SHANK2: variants seen among roughly 807,000 people sequenced by gnomAD.
SHANK2 encodes the protein SH3 and multiple ankyrin repeat domains 2.
SHANK2 carries 43 observed loss-of-function variants against 133.7 expected under a neutral mutation model. The ratio of observed to expected loss-of-function variants is 0.32; its 90% CI spans 0.25 to 0.41. The LOEUF (loss-of-function observed/expected upper bound fraction) is 0.41, where lower values mean the gene tolerates loss of function less well. Among genes scored for constraint, SHANK2 ranks in the 10% least tolerant of loss-of-function variants. SHANK2 has a pLI of 1.00. For missense variants in SHANK2, 1,994 were observed against 2,235.8 expected (o/e 0.89, Z 2.18); for synonymous variants, 1,017 against 952.8 (o/e 1.07, Z -1.24).
At chr11:70,693,612 T>C (rs1591756248) in intron 15 of SHANK2, among the ~76,000 whole-genome samples, 2 of 152,252 alleles carry the variant, frequency 1.3e-5, no homozygotes, top group East Asian at 3.8e-4. Context: ...AACTTTATTG[T>C]GTACCTTTAC....
intron 17 of SHANK2, among the ~76,000 whole-genome samples, chr11:70,545,279 G>C (rs189767797): frequency 6.6e-6 from 1 of 152,198 alleles, no homozygotes; most frequent in Admixed American, 6.5e-5. Flanking sequence ...TGCCAGTCTC[G>C]TCTTCCTGAC....
chr11:71,197,733 C>A (rs1359800157), intron 2 of SHANK2, among the ~76,000 whole-genome samples: 1 of 152,248 alleles, frequency 6.6e-6, no homozygotes, highest in Admixed American at 6.5e-5. Context: ...TCACTGCAAG[C>A]TCCGCCTCCC....
At chr11:70,734,683 C>G (rs1348138374) in intron 14 of SHANK2, among the ~76,000 whole-genome samples, 1 of 152,222 alleles carries the variant, frequency 6.6e-6, no homozygotes, top group Non-Finnish European at 1.5e-5. Context: ...AGCAGGGGCC[C>G]CACAGCCTGT....
chr11:70,472,914 G>C lies in SHANK2; in HGVS notation c.5505C>G (p.His1835Gln). The change falls in exon 26 of 26, where the codon CAC becomes CAG. Residue 1835 changes from histidine (H) to glutamine (Q), a missense_variant. His to Gln is a conservative substitution (Grantham distance 24). Around this residue, in one of 5 missense-constraint regions of SHANK2, gnomAD observed 42 missense variants for 79.9 expected, o/e 0.53. Transcript: ENST00000601538. The surrounding 1 kb of genome is among the most constrained non-coding windows in gnomAD (Gnocchi z 4.4). ...LIDLGVTRVGHRMNIERALKQ... is the reference protein window; with the variant it reads ...LIDLGVTRVGQRMNIERALKQ... Reference sequence around the variant, plus strand: ...TCAAAGCCCTTTCTATGTTCATTCTGTGCCCGACTCGAGTTACCCCAAGAT... The same window carrying C: ...TCAAAGCCCTTTCTATGTTCATTCTCTGCCCGACTCGAGTTACCCCAAGAT... The C allele has an allele frequency of 6.2e-7, 1 of 1,614,198 alleles. No individual in the cohort carries two copies. Among genetic ancestry groups the C allele is most frequent in the Non-Finnish European group, 8.5e-7 (1 of 1,180,036 alleles).
At chr11:70,915,162 C>T (rs1470869372) in intron 10 of SHANK2, among the ~76,000 whole-genome samples, 1 of 152,016 alleles carries the variant, frequency 6.6e-6, no homozygotes, top group East Asian at 1.9e-4. Flanking sequence ...TCCTCAGCTC[C>T]CAATATGATC....
chr11:71,105,305 C>T (rs1215327552), intron 6 of SHANK2, among the ~76,000 whole-genome samples: 1 of 152,098 alleles, frequency 6.6e-6, no homozygotes, highest in Non-Finnish European at 1.5e-5. Context: ...ATGAAAAGGT[C>T]AGCAAGGTTG....
At chr11:70,736,048 C>A (rs1946397473) in intron 14 of SHANK2, among the ~76,000 whole-genome samples, 1 of 151,282 alleles carries the variant, frequency 6.6e-6, no homozygotes, top group Non-Finnish European at 1.5e-5. Context: ...CTAGAGTAGA[C>A]AAGGATGGGC....
chr11:71,214,261 C>A (rs1255716361), intron 2 of SHANK2, among the ~76,000 whole-genome samples: 1 of 152,298 alleles, frequency 6.6e-6, no homozygotes, highest in Admixed American at 6.5e-5. Context: ...CCTCACTCAG[C>A]CACCTCCATC....
At chr11:71,076,907 A>C (rs1951228002) in intron 8 of SHANK2, among the ~76,000 whole-genome samples, 1 of 152,214 alleles carries the variant, frequency 6.6e-6, no homozygotes, top group South Asian at 2.1e-4. Context: ...CTTCTTCCAG[A>C]GTGGGGAGCA....
At chr11:70,499,795 C>T (rs1477894853) in intron 21 of SHANK2, among the ~76,000 whole-genome samples, 4 of 152,162 alleles carry the variant, frequency 2.6e-5, no homozygotes, top group East Asian at 1.9e-4. Context: ...TGACACAGGT[C>T]GGGACAGTGG....
intron 17 of SHANK2, among the ~76,000 whole-genome samples, chr11:70,582,638 G>C (rs1280273870): frequency 6.6e-6 from 1 of 152,248 alleles, no homozygotes; most frequent in Non-Finnish European, 1.5e-5. Context: ...TGGGCACCCA[G>C]TCGGGTGTGG....
At position 70,643,746 on chromosome 11, in the gene SHANK2, C is replaced by T. The variant is rs372530376; in HGVS notation, c.2061+16082G>A. Among the ~76,000 whole-genome samples the T allele has an allele frequency of 3.9e-5, 6 of 152,244 alleles. No homozygotes were observed. In the East Asian group the frequency reaches 5.8e-4, roughly 15 times the overall value. ...ATTTGAATGAGGGTTGAGCTCCTGCCATGTGCTGGGTGCTTTCTCTTGTAG... is the reference window on the plus strand; with the variant it reads ...ATTTGAATGAGGGTTGAGCTCCTGCTATGTGCTGGGTGCTTTCTCTTGTAG... On this transcript the variant is annotated intron_variant, in intron 17 of 25. Coordinates refer to ENST00000601538, the MANE Select transcript of SHANK2 (RefSeq NM_012309.5).
intron 17 of SHANK2, among the ~76,000 whole-genome samples, chr11:70,622,715 G>C (rs536072246): frequency 6.6e-6 from 1 of 152,150 alleles, no homozygotes; most frequent in Non-Finnish European, 1.5e-5. Flanking sequence ...TGCGAAGACC[G>C]TGTTTCCAAA....
intron 14 of SHANK2, among the ~76,000 whole-genome samples, chr11:70,742,395 G>A (rs1946547460): frequency 6.6e-6 from 1 of 152,204 alleles, no homozygotes; most frequent in Non-Finnish European, 1.5e-5. Flanking sequence ...TCAGGCCACT[G>A]CACAAAGTAG....
At chr11:70,517,567 A>G (rs1385206604) in intron 17 of SHANK2, among the ~76,000 whole-genome samples, 1 of 152,232 alleles carries the variant, frequency 6.6e-6, no homozygotes, top group Non-Finnish European at 1.5e-5. Flanking sequence ...GAAGGCCTGC[A>G]GGAAGCTTAC....
At chr11:70,880,975 G>C (rs138954161) in intron 11 of SHANK2, among the ~76,000 whole-genome samples, 171 of 152,288 alleles carry the variant, frequency 1.1e-3, no homozygotes, top group African/African-American at 3.5e-3. Context: ...GTGTTCCCTG[G>C]GGTCACCAAC....
intron 2 of SHANK2, among the ~76,000 whole-genome samples, chr11:71,154,170 G>A (rs2135436799): frequency 6.6e-6 from 1 of 152,250 alleles, no homozygotes; most frequent in East Asian, 1.9e-4. Flanking sequence ...AATGTGCTCG[G>A]CCTCAAGGCA....
intron 11 of SHANK2, among the ~76,000 whole-genome samples, chr11:70,838,878 TC>T (rs545692771): frequency 9.2e-5 from 14 of 152,296 alleles, no homozygotes; most frequent in African/African-American, 3.4e-4. Context: ...ACAGTAAGAC[TC>T]CAGTTTATGT....
chr11:71,079,889 GGGGAA>G, intron 8 of SHANK2, among the ~76,000 whole-genome samples: 3 of 70,364 alleles, frequency 4.3e-5, no homozygotes, highest in Non-Finnish European at 5.8e-5. Flanking sequence ...GGGGAGGGGA[GGGGAA>G]GGAAGGGGAG....
Sources: allele counts gnomAD v4.1 joint callset (sites outside exome capture counted in the v4.1 genomes callset), GRCh38; gene constraint gnomAD v4.1.1; regional missense constraint gnomAD v4.1.1; non-coding constraint Gnocchi (gnomAD v3.1); transcripts MANE v1.5; gene names NCBI Gene and HGNC (gene_info 2026-07-23, HGNC 2026-07-21).